The following PTPRB variants were observed in gnomAD, a reference collection of about 807,000 sequenced individuals.
The protein encoded by PTPRB is receptor-type tyrosine-protein phosphatase beta.
Under a neutral mutation model 238.1 loss-of-function variants are expected in PTPRB, and 97 were observed. That is an observed-to-expected ratio of 0.41 (90% confidence interval 0.35 to 0.48). The LOEUF (loss-of-function observed/expected upper bound fraction) is 0.48, where lower values mean the gene tolerates loss of function less well. Among genes scored for constraint, PTPRB ranks in the 20% least tolerant of loss-of-function variants. The probability of loss-of-function intolerance (pLI) is 0.30; values close to 1 mark genes in which losing one functional copy is unlikely to be tolerated. For missense variants in PTPRB, 2,292 were observed against 2,681.9 expected (o/e 0.85, Z 3.21); for synonymous variants, 970 against 995.4 (o/e 0.97, Z 0.48).
chr12:70,543,203 A>C (rs1403396199), intron 22 of PTPRB, among the ~76,000 whole-genome samples: 1 of 152,126 alleles, frequency 6.6e-6, no homozygotes, highest in Non-Finnish European at 1.5e-5. Flanking sequence ...ATTTACACCT[A>C]TGTTTTCTTG....
At position 70,538,135 on chromosome 12, in the gene PTPRB, TGGCCTA is replaced by T. The variant is rs780332840; in HGVS notation, c.5946+14_5946+19del. 1 of 1,601,678 alleles carries T rather than the reference TGGCCTA, an allele frequency of 6.2e-7. No homozygotes were observed. Among genetic ancestry groups the T allele is most frequent in the Non-Finnish European group, 8.5e-7 (1 of 1,171,260 alleles). ...CACCAAAGCCTCATCCTGAACACTA[TGGCCTA>T]GTGGGTCACTTACAGGGATGTAGCT... On this transcript the variant is annotated intron_variant, in intron 28 of 33. Coordinates refer to ENST00000334414, the MANE Select transcript of PTPRB (RefSeq NM_001109754.4).
intron 4 of PTPRB, among the ~76,000 whole-genome samples, chr12:70,600,565 A>T (rs1883389801): frequency 6.6e-6 from 1 of 152,230 alleles, no homozygotes; most frequent in Non-Finnish European, 1.5e-5. Flanking sequence ...GCTAAATCTA[A>T]TTCTGTGAGC....
chr12:70,580,076 A>G (rs183060428), intron 10 of PTPRB, among the ~76,000 whole-genome samples: 19 of 150,566 alleles, frequency 1.3e-4, no homozygotes, highest in East Asian at 1.3e-3. Flanking sequence ...TACATTTTAT[A>G]TATCATATAT....
At chr12:70,619,103 A>G (rs1884804199) in intron 3 of PTPRB, among the ~76,000 whole-genome samples, 3 of 151,602 alleles carry the variant, frequency 2.0e-5, no homozygotes, top group Non-Finnish European at 4.4e-5. Flanking sequence ...CTTGGCATTT[A>G]CCTTTATTAT....
intron 3 of PTPRB, among the ~76,000 whole-genome samples, chr12:70,619,587 C>G (rs961154130): frequency 6.6e-6 from 1 of 152,088 alleles, no homozygotes; most frequent in Non-Finnish European, 1.5e-5. Context: ...CTGCCCTAAC[C>G]CATCATGAAA....
chr12:70,518,374 G>GA lies in PTPRB; in HGVS notation c.*3114dup, dbSNP rs1871349865. 1 of 152,110 alleles carries GA rather than the reference G, an allele frequency of 6.6e-6. No homozygotes were observed. The highest frequency in any genetic ancestry group is 6.6e-5 in the Admixed American group (1 of 15,258). 9.4% of individuals were successfully genotyped at this position (152,110 alleles called of 1,614,324 possible). A position where few individuals can be genotyped will look rare whatever the true frequency, so the allele number is the denominator to read the frequency against. ...GAACCTGGGAGGCGGAGGTTGTAGT[G>GA]AGCTGAGATTGTGCCACTGCACTCC... On this transcript the variant is annotated 3_prime_UTR_variant, in exon 34 of 34. Transcript: ENST00000334414.
At chr12:70,533,832 A>G (rs1592403973) in intron 31 of PTPRB, among the ~76,000 whole-genome samples, 1 of 152,180 alleles carries the variant, frequency 6.6e-6, no homozygotes, top group Non-Finnish European at 1.5e-5. Flanking sequence ...ACAAGGCACC[A>G]TCTTGGAAGC....
In PTPRB at chr12:70,593,513, CAAAAAAAAAAAAA is replaced by C. The variant is rs71437149; in HGVS notation, c.1516+941_1516+953del. On this transcript the variant is annotated intron_variant, in intron 6 of 33. Transcript: ENST00000334414. ...AGCCAACAAGAGCAAAACTCTGTCT[CAAAAAAAAAAAAA>C]AAAAAAAAAAAAAAGAATGGGCACA... Among the ~76,000 whole-genome samples, 11 of 36,698 alleles carry C rather than the reference CAAAAAAAAAAAAA, an allele frequency of 3.0e-4. No homozygotes were observed. In the Admixed American group the frequency reaches 3.8e-3, roughly 13 times the overall value. 24.1% of individuals were successfully genotyped at this position (36,698 alleles called of 152,430 possible).
chr12:70,617,048 G>A (rs1013277140), intron 3 of PTPRB, among the ~76,000 whole-genome samples: 8 of 152,152 alleles, frequency 5.3e-5, no homozygotes, highest in Admixed American at 1.3e-4. Flanking sequence ...AGAAAGTCCC[G>A]TATAAATGGA....
chr12:70,596,361 A>C lies in PTPRB; in HGVS notation c.980-34T>G, dbSNP rs754338255. ...CAAATACACACACACACACAAAAAA[A>C]AAAAAGAAAGAAAAAGAAAAAAAAA... On this transcript the variant is annotated intron_variant, in intron 4 of 33. Transcript: ENST00000334414. 1,179 of 1,345,096 alleles carry C rather than the reference A, an allele frequency of 8.8e-4. 16 individuals are homozygous for C. The African/African-American group carries it at 0.016, about 18-fold the overall frequency. The allele number at this position is 1,345,096 out of a possible 1,614,324, so 83.3% of individuals were successfully genotyped here. A position where few individuals can be genotyped will look rare whatever the true frequency, so the allele number is the denominator to read the frequency against.
intron 2 of PTPRB, among the ~76,000 whole-genome samples, chr12:70,623,181 G>T (rs1346571214): frequency 6.6e-6 from 1 of 152,174 alleles, no homozygotes; most frequent in Non-Finnish European, 1.5e-5. Context: ...CACTTCGTTA[G>T]CCACAGTGCA....
At position 70,609,052 on chromosome 12, in the gene PTPRB, C is replaced by T. The variant is rs1381246937; in HGVS notation, c.979+17G>A. The T allele has an allele frequency of 1.9e-6, 3 of 1,612,584 alleles. No individual in the cohort carries two copies. Among genetic ancestry groups the T allele is most frequent in the Non-Finnish European group, 2.5e-6 (3 of 1,178,856 alleles). On this transcript the variant is annotated intron_variant, in intron 4 of 33. Coordinates refer to ENST00000334414, the MANE Select transcript of PTPRB (RefSeq NM_001109754.4). ...CCCGTGTGGCTTGGCCATCCAATTG[C>T]ACCTGTCATCCTTTACCTGTTTGCA...
intron 14 of PTPRB, among the ~76,000 whole-genome samples, chr12:70,568,405 C>T (rs1879588059): frequency 6.6e-6 from 1 of 152,100 alleles, no homozygotes; most frequent in Non-Finnish European, 1.5e-5. Context: ...TCATGCCATT[C>T]TCCTGCCTCA....
intron 21 of PTPRB, among the ~76,000 whole-genome samples, chr12:70,548,629 C>T (rs3782379): frequency 0.032 from 4,850 of 152,172 alleles, 164 homozygotes; most frequent in East Asian, 0.15. Flanking sequence ...GAGATAATTA[C>T]CTAGTATAGG....
At chr12:70,551,883 C>T (rs934518198) in intron 21 of PTPRB, among the ~76,000 whole-genome samples, 1 of 152,050 alleles carries the variant, frequency 6.6e-6, no homozygotes, top group African/African-American at 2.4e-5. Context: ...GCCGAAGGGC[C>T]TAGTGACTGC....
At chr12:70,558,600 C>T (rs955872871) in intron 18 of PTPRB, among the ~76,000 whole-genome samples, 1 of 152,140 alleles carries the variant, frequency 6.6e-6, no homozygotes, top group African/African-American at 2.4e-5. Flanking sequence ...GCTTCGTCGT[C>T]GAAGTATTTT....
intron 2 of PTPRB, among the ~76,000 whole-genome samples, chr12:70,632,208 GA>G (rs1489276791): frequency 6.6e-6 from 1 of 152,162 alleles, no homozygotes; most frequent in Non-Finnish European, 1.5e-5. Context: ...ACTAGATTAA[GA>G]AAATGTGGCA....
rs750893077 is a variant in PTPRB at position 70,566,510 on chromosome 12, T to G, written c.3829A>C (p.Lys1277Gln). 3 of 1,614,046 alleles carry G rather than the reference T, an allele frequency of 1.9e-6. No homozygotes were observed. Among genetic ancestry groups the G allele is most frequent in the East Asian group, 4.5e-5 (2 of 44,888 alleles). Residue 1277 changes from lysine to glutamine, a missense_variant, in exon 15 of 34, where the codon AAG becomes CAG. By Grantham distance (53) the Lys-to-Gln change is moderately conservative. Transcript: ENST00000334414. ...GTTAGGATCTGTATCTTGTATTTCT[T>G]GCCTGGTGTTAGATCTTCAAATTTG... The part of the protein sequence containing the change: ...QHKFEDLTPG[K>Q]KYKIQILTVS...
chr12:70,561,379 A>T (rs1878462434), intron 16 of PTPRB, among the ~76,000 whole-genome samples: 1 of 152,120 alleles, frequency 6.6e-6, no homozygotes, highest in Admixed American at 6.5e-5. Context: ...TCTTTTTTAT[A>T]AAATCTGTAT....
Sources: gnomAD v4.1 joint callset for allele counts (sites outside exome capture counted in the v4.1 genomes callset) on GRCh38, gnomAD v4.1.1 for gene constraint, MANE v1.5 for transcripts, NCBI Gene and HGNC (gene_info 2026-07-23, HGNC 2026-07-21) for gene names.